Variants in LOC400499 observed in about 807,000 individuals in gnomAD.
the LOC400499 span, chr16:11,460,653 C>G: frequency 1.3e-6 from 2 of 1,488,730 alleles, no homozygotes; most frequent in Non-Finnish European, 1.8e-6. Flanking sequence ...CTCTGCCAGG[C>G]AGCCCTCCAC....
At chr16:11,481,011 C>T in the LOC400499 span, among the ~76,000 whole-genome samples, 1 of 152,190 alleles carries the variant, frequency 6.6e-6, no homozygotes, top group African/African-American at 2.4e-5. Flanking sequence ...TGAAATATGA[C>T]TTGACCTTAG....
the LOC400499 span, chr16:11,515,845 GGCCCGGCCC>G: frequency 7.3e-5 from 5 of 68,330 alleles, no homozygotes; most frequent in Non-Finnish European, 1.2e-4. Flanking sequence ...AGCAGTCAGG[GGCCCGGCCC>G]AGCCCAGCCC....
the LOC400499 span, among the ~76,000 whole-genome samples, chr16:11,433,105 G>A: frequency 2.6e-5 from 4 of 152,114 alleles, no homozygotes; most frequent in Non-Finnish European, 5.9e-5. Flanking sequence ...AATTGTCTAC[G>A]ACACTCTTGT....
chr16:11,451,065 A>G, the LOC400499 span, among the ~76,000 whole-genome samples: 1 of 152,254 alleles, frequency 6.6e-6, no homozygotes, highest in Non-Finnish European at 1.5e-5. Flanking sequence ...TATACATTTC[A>G]CTGTGCTTAA....
the LOC400499 span, among the ~76,000 whole-genome samples, chr16:11,376,979 G>A: frequency 2.9e-4 from 40 of 139,578 alleles, no homozygotes; most frequent in Non-Finnish European, 4.7e-4. Flanking sequence ...TCACTGTGTT[G>A]CCCAGGCTGG....
the LOC400499 span, among the ~76,000 whole-genome samples, chr16:11,512,925 CCCATCTAGTGGGTTCT>C: frequency 1.3e-5 from 2 of 152,070 alleles, no homozygotes; most frequent in South Asian, 4.1e-4. Flanking sequence ...ATCCCAAGGT[CCCATCTAGTGGGTTCT>C]CCCCCAGGGG....
At chr16:11,440,395 A>G in the LOC400499 span, among the ~76,000 whole-genome samples, 1 of 152,176 alleles carries the variant, frequency 6.6e-6, no homozygotes, top group African/African-American at 2.4e-5. Flanking sequence ...AAAGCCTCCT[A>G]CATAATTCTC....
the LOC400499 span, among the ~76,000 whole-genome samples, chr16:11,409,733 A>T: frequency 1.3e-5 from 2 of 152,254 alleles, no homozygotes; most frequent in African/African-American, 4.8e-5. Context: ...GAATGTTGTA[A>T]TTACCGTGTT....
At chr16:11,386,989 TG>T in the LOC400499 span, 4 of 697,670 alleles carry the variant, frequency 5.7e-6, no homozygotes, top group Non-Finnish European at 8.0e-6. Flanking sequence ...CATAGGACCT[TG>T]GGAAGTCCAG....
the LOC400499 span, chr16:11,494,835 G>A: frequency 7.7e-6 from 3 of 391,952 alleles, no homozygotes; most frequent in South Asian, 1.3e-4. Context: ...GCCACACACC[G>A]ACTCACCTGG....
chr16:11,446,686 G>C, the LOC400499 span: 6 of 1,532,508 alleles, frequency 3.9e-6, no homozygotes, highest in Non-Finnish European at 4.4e-6. Context: ...GGAGTGAGGA[G>C]GCAGCTGGGG....
At chr16:11,494,505 A>C in the LOC400499 span, 5 of 266,126 alleles carry the variant, frequency 1.9e-5, no homozygotes, top group East Asian at 7.0e-5. Context: ...CTCCACCTGG[A>C]GCTTGCCTGA....
At chr16:11,460,299 C>T in the LOC400499 span, among the ~76,000 whole-genome samples, 5 of 152,292 alleles carry the variant, frequency 3.3e-5, no homozygotes, top group East Asian at 1.9e-4. Context: ...TGGGCTGAAG[C>T]GTTCCTGGAT....
the LOC400499 span, among the ~76,000 whole-genome samples, chr16:11,449,477 G>C: frequency 6.6e-6 from 1 of 152,122 alleles, no homozygotes; most frequent in South Asian, 2.1e-4. Context: ...CATGGTCTTC[G>C]GGAGTCCTAG....
chr16:11,435,279 A>T, the LOC400499 span, among the ~76,000 whole-genome samples: 1 of 151,520 alleles, frequency 6.6e-6, no homozygotes, highest in Non-Finnish European at 1.5e-5. Context: ...CACCTGGCTA[A>T]TTTTTTTTAT....
At chr16:11,431,457 G>A in the LOC400499 span, among the ~76,000 whole-genome samples, 1 of 152,140 alleles carries the variant, frequency 6.6e-6, no homozygotes, top group Non-Finnish European at 1.5e-5. Context: ...CCAGGCTGGA[G>A]TACAGTGGCA....
At chr16:11,389,142 C>CTGGAG in the LOC400499 span, among the ~76,000 whole-genome samples, 2 of 152,070 alleles carry the variant, frequency 1.3e-5, no homozygotes, top group East Asian at 3.9e-4. Flanking sequence ...CAGTAGTGAC[C>CTGGAG]CCCACCTGGA....
At chr16:11,460,202 C>A in the LOC400499 span, 1 of 757,538 alleles carries the variant, frequency 1.3e-6, no homozygotes, top group Non-Finnish European at 1.9e-6. Flanking sequence ...TAATTTATTA[C>A]TTATTTATTT....
the LOC400499 span, chr16:11,424,270 A>G: frequency 0.26 from 104,910 of 399,034 alleles, 14,182 homozygotes; most frequent in Middle Eastern, 0.33. Context: ...CCCGCGTTCC[A>G]CAGCGCCAGG....
Sources: allele counts gnomAD v4.1 joint callset (sites outside exome capture counted in the v4.1 genomes callset), GRCh38; gene constraint gnomAD v4.1.1; transcripts MANE v1.5.